DENND3: variants seen among roughly 807,000 people sequenced by gnomAD.
DENND3 encodes DENN domain containing 3.
DENND3 carries 88 observed loss-of-function variants against 135.1 expected under a neutral mutation model. The observed-to-expected ratio is 0.65, with a 90% confidence interval of 0.55 to 0.78. DENND3 has a LOEUF of 0.78. DENND3 is among the 30% of genes least tolerant of loss of function. The pLI is 0.00. For synonymous variants in DENND3, 693 were observed against 712.3 expected (o/e 0.97, Z 0.43); for missense variants, 1,392 against 1,688.4 (o/e 0.82, Z 3.08).
At position 141,194,329 on chromosome 8, in the gene DENND3, G is replaced by GGCAGA. The variant is rs1164289714; in HGVS notation, c.*101_*105dup. 3 of 1,437,720 alleles carry GGCAGA rather than the reference G, an allele frequency of 2.1e-6. No homozygotes were observed. In the East Asian group the frequency reaches 7.1e-5, roughly 34 times the overall value. 89.1% of individuals were successfully genotyped at this position (1,437,720 alleles called of 1,614,324 possible). A position where few individuals can be genotyped will look rare whatever the true frequency, so the allele number is the denominator to read the frequency against. ...GAGCAGAAGCCTGGAGGGGTGGCAG[G>GGCAGA]GCAGAGCAGCCCAGGCTCAGCATGG... On this transcript the variant is annotated 3_prime_UTR_variant, in exon 23 of 23. Coordinates refer to ENST00000519811, the MANE Select transcript of DENND3 (RefSeq NM_001352890.3).
At chr8:141,181,232 C>G (rs1311665985) in intron 17 of DENND3, among the ~76,000 whole-genome samples, 1 of 152,176 alleles carries the variant, frequency 6.6e-6, no homozygotes, top group Non-Finnish European at 1.5e-5. Context: ...AATCTTGGCT[C>G]ACTGCATCCT....
Position 141,141,345 on chromosome 8 carries a change from C to T in DENND3, c.623+21C>T, listed in dbSNP as rs1159131488. Reference sequence around the variant, plus strand: ...TCCTGGTGAGCTGGGGCACCGGGGGCCAGGGGTGGTAGGGGGCAGCTCTTT... The same window carrying T: ...TCCTGGTGAGCTGGGGCACCGGGGGTCAGGGGTGGTAGGGGGCAGCTCTTT... On this transcript the variant is annotated intron_variant, in intron 4 of 22. Coordinates refer to ENST00000519811, the MANE Select transcript of DENND3 (RefSeq NM_001352890.3). This position sits in a 1 kb window ranked among gnomAD's most constrained non-coding sequence, Gnocchi z 5.3. The T allele has an allele frequency of 1.2e-6, 2 of 1,609,420 alleles. No individual in the cohort carries two copies. Among genetic ancestry groups the T allele is most frequent in the African/African-American group, 1.4e-5 (1 of 74,068 alleles).
In DENND3 at chr8:141,168,417, C is replaced by G. The variant is rs756402577; in HGVS notation, c.2167C>G (p.Leu723Val). The G allele has an allele frequency of 6.2e-7, 1 of 1,613,898 alleles. No individual in the cohort carries two copies. The highest frequency in any genetic ancestry group is 1.7e-5 in the Admixed American group (1 of 60,026). The change falls in exon 13 of 23, where the codon CTG becomes GTG. Residue 723 changes from leucine to valine, a missense_variant. By Grantham distance (32) the Leu-to-Val change is conservative. Transcript: ENST00000519811. The surrounding 1 kb of genome is among the most constrained non-coding windows in gnomAD (Gnocchi z 6.2). ...KLDDHVKKFK[L>V]PKKHMQLGDF... Reference sequence around the variant, plus strand: ...GGACGACCACGTGAAGAAGTTCAAGCTGCCCAAGAAGCACATGCAGCTGGG... The same window carrying G: ...GGACGACCACGTGAAGAAGTTCAAGGTGCCCAAGAAGCACATGCAGCTGGG...
intron 7 of DENND3, 110 bp downstream of exon 7, chr8:141,151,947 G>A: frequency 7.5e-7 from 1 of 1,333,478 alleles, no homozygotes; most frequent in Non-Finnish European, 1.0e-6. Context: ...GGGTCTGTGT[G>A]CCGCAGAGAG....
intron 5 of DENND3, among the ~76,000 whole-genome samples, chr8:141,145,826 TATATATA>T (rs1817989846): frequency 1.3e-4 from 8 of 60,184 alleles, no homozygotes; most frequent in African/African-American, 4.7e-4. Context: ...TATATATATA[TATATATA>T]TATATATATA....
Position 141,146,029 on chromosome 8 carries a change from AG to A in DENND3, c.735+1771del, listed in dbSNP as rs1352042973. Among the ~76,000 whole-genome samples, 1 of 151,278 alleles carries A rather than the reference AG, an allele frequency of 6.6e-6. No homozygotes were observed. The highest frequency in any genetic ancestry group is 6.6e-5 in the Admixed American group (1 of 15,192). On this transcript the variant is annotated intron_variant, in intron 5 of 22. Transcript: ENST00000519811. The surrounding 1 kb of genome is among the most constrained non-coding windows in gnomAD (Gnocchi z 4.3). ...ACGCTGGCTAATTTTTTGTATTTTTAGTAGAGATGGGGTTTCACCTTGTTAG... is the reference window on the plus strand; with the variant it reads ...ACGCTGGCTAATTTTTTGTATTTTTATAGAGATGGGGTTTCACCTTGTTAG...
rs1191890665 is a variant in DENND3 at position 141,156,245 on chromosome 8, G to A, written c.1196+275G>A. Among the ~76,000 whole-genome samples the A allele has an allele frequency of 8.6e-5, 13 of 151,876 alleles. No individual in the cohort carries two copies. The South Asian group carries it at 1.7e-3, about 20-fold the overall frequency. On this transcript the variant is annotated intron_variant, in intron 8 of 22. Transcript: ENST00000519811. ...CTCCCAAGTAGCTGGGATTACAGGC[G>A]CCCACCACCATGCCTGGCTAATTTT...
chr8:141,138,275 T>C lies in DENND3; in HGVS notation c.501+138T>C. ...AACATTAAGTACATTCACAGCATTGTGCAACCACCACCAATGTCTAGGTCC... is the reference window on the plus strand; with the variant it reads ...AACATTAAGTACATTCACAGCATTGCGCAACCACCACCAATGTCTAGGTCC... On this transcript the variant is annotated intron_variant, in intron 3 of 22. Transcript: ENST00000519811. This position sits in a 1 kb window ranked among gnomAD's most constrained non-coding sequence, Gnocchi z 4.8. 1.1e-6 allele frequency: 1 copy of C among 916,094 alleles called. No homozygotes were observed. The highest frequency in any genetic ancestry group is 1.7e-5 in the South Asian group (1 of 60,254). The allele number at this position is 916,094 out of a possible 1,614,324, so 56.7% of individuals were successfully genotyped here. A position where few individuals can be genotyped will look rare whatever the true frequency, so the allele number is the denominator to read the frequency against.
At chr8:141,186,490 T>C (rs569795364) in intron 18 of DENND3, among the ~76,000 whole-genome samples, 1 of 152,296 alleles carries the variant, frequency 6.6e-6, no homozygotes, top group Admixed American at 6.5e-5. Context: ...CACAAATTTG[T>C]AAACTTTCTT....
In DENND3 at chr8:141,150,932, C is replaced by T. The variant is rs445616; in HGVS notation, c.834C>T (p.Phe278=). ...ACCTTCACCTGCCCTTGCTGTGCTT[C>T]AGGCCTGAGAAGGTGCTACAGGTAC... ...DLDLHLPLLC[F]RPEKVLQILT... The change falls in exon 6 of 23, where the codon TTC becomes TTT. Residue 278 remains phenylalanine (F), a synonymous_variant. Transcript: ENST00000519811. 0.01 allele frequency: 16,115 copies of T among 1,603,516 alleles called. 1,290 individuals are homozygous for T. The African/African-American group carries it at 0.18, about 18-fold the overall frequency.
chr8:141,193,907 G>A (rs1825099660), intron 22 of DENND3, 126 bp from the exon 23 acceptor site: 6 of 1,097,908 alleles, frequency 5.5e-6, no homozygotes, highest in South Asian at 1.5e-5. Context: ...TCAGGCGGCA[G>A]AGGCCCTGTC....
At chr8:141,180,381 C>T (rs932127555) in intron 16 of DENND3, among the ~76,000 whole-genome samples, 4 of 152,168 alleles carry the variant, frequency 2.6e-5, no homozygotes, top group East Asian at 1.9e-4. Flanking sequence ...TTTATATCTC[C>T]GCTTTGCTGG....
chr8:141,171,891 T>C (rs1380592096), intron 13 of DENND3, among the ~76,000 whole-genome samples: 1 of 149,378 alleles, frequency 6.7e-6, no homozygotes, highest in Non-Finnish European at 1.5e-5. Context: ...GTGATGGGCA[T>C]GCACAGTGGG....
chr8:141,133,113 CCTT>C (rs1816336728), intron 1 of DENND3, among the ~76,000 whole-genome samples: 1 of 152,144 alleles, frequency 6.6e-6, no homozygotes, highest in South Asian at 2.1e-4. Flanking sequence ...GTGGCAGAGA[CCTT>C]CTGCAGTGAG....
chr8:141,149,252 T>C (rs978405871), intron 5 of DENND3, among the ~76,000 whole-genome samples: 26 of 152,160 alleles, frequency 1.7e-4, no homozygotes, highest in African/African-American at 6.3e-4. Context: ...TGTACACAAA[T>C]TGGTAACAAG....
chr8:141,183,812 C>T (rs1398604742), intron 17 of DENND3, among the ~76,000 whole-genome samples: 2 of 151,120 alleles, frequency 1.3e-5, no homozygotes, highest in African/African-American at 2.4e-5. Flanking sequence ...GGGCAACGCT[C>T]ACTCTAGCTG....
chr8:141,133,442 G>T (rs1196100706), intron 1 of DENND3, among the ~76,000 whole-genome samples: 2 of 152,208 alleles, frequency 1.3e-5, no homozygotes, highest in African/African-American at 2.4e-5. Context: ...GGGCCACAAA[G>T]TATCTGGTTT....
rs1328664249 is a variant in DENND3 at position 141,128,823 on chromosome 8, A to C, written c.102+14A>C. On this transcript the variant is annotated intron_variant, in intron 1 of 22. Transcript: ENST00000519811. The surrounding 1 kb of genome is among the most constrained non-coding windows in gnomAD (Gnocchi z 4.5). ...AGTCTCGAGCAGGTGAGGGGCGGGG[A>C]AACTGAGGCGGACGTGGGCCACGAG... 1 of 1,379,224 alleles carries C rather than the reference A, an allele frequency of 7.3e-7. No homozygotes were observed. Among genetic ancestry groups the C allele is most frequent in the South Asian group, 1.5e-5 (1 of 65,322 alleles). 85.4% of individuals were successfully genotyped at this position (1,379,224 alleles called of 1,614,324 possible).
chr8:141,189,266 TG>T, intron 19 of DENND3, 120 bp downstream of exon 19: 2 of 1,366,746 alleles, frequency 1.5e-6, no homozygotes, highest in Non-Finnish European at 2.0e-6. Flanking sequence ...CAGAGTGAAG[TG>T]GATCTAGAAC....
Sources: allele counts gnomAD v4.1 joint callset (sites outside exome capture counted in the v4.1 genomes callset), GRCh38; gene constraint gnomAD v4.1.1; non-coding constraint Gnocchi (gnomAD v3.1); transcripts MANE v1.5; gene names NCBI Gene and HGNC (gene_info 2026-07-23, HGNC 2026-07-21).